Variants in TEC observed in about 807,000 individuals in gnomAD.
The protein encoded by TEC is tec protein tyrosine kinase.
TEC carries 72 observed loss-of-function variants against 93.0 expected under a neutral mutation model. The observed-to-expected ratio is 0.77, with a 90% CI of 0.64 to 0.94. The LOEUF is 0.94. Among genes scored for constraint, TEC ranks in the 40% least tolerant of loss-of-function variants. TEC has a pLI of 0.00. For synonymous variants in TEC, 249 were observed against 247.7 expected, an observed-to-expected ratio of 1.01 and a Z score of -0.05; for missense variants, 630 against 757.9, an observed-to-expected ratio of 0.83 and a Z score of 1.98.
At chr4:48,170,661 G>A (rs983789905) in intron 4 of TEC, among the ~76,000 whole-genome samples, 7 of 152,220 alleles carry the variant, frequency 4.6e-5, no homozygotes, top group Non-Finnish European at 1.0e-4. Context: ...GAGAAGCAAT[G>A]AGGACTATGC....
At chr4:48,179,364 ATATATATATATATTTTTT>A (rs1721481003) in intron 2 of TEC, among the ~76,000 whole-genome samples, 1 of 36,872 alleles carries the variant, frequency 2.7e-5, no homozygotes, top group African/African-American at 9.8e-5. Context: ...ATATATATAT[ATATATATATATATTTTTT>A]TTTTTTTTTT....
chr4:48,149,560 C>T lies in TEC; in HGVS notation c.1003G>A (p.Ala335Thr). ...TAGGTTTTCACAGCTCACTTACCTG[C>T]TGCATTGTGCTTATGATATTCAATA... Reference protein sequence around the residue: ...EIIEYHKHNAAGLVTRLRYPV... With the variant: ...EIIEYHKHNATGLVTRLRYPV... Residue 335 changes from alanine (A) to threonine (T), a missense_variant, in exon 11 of 18, where the codon GCA (alanine) becomes ACA (threonine). Transcript: ENST00000381501. 2 of 1,599,510 alleles carry T rather than the reference C, an allele frequency of 1.3e-6. No homozygotes were observed. The highest frequency in any genetic ancestry group is 1.7e-6 in the Non-Finnish European group (2 of 1,174,970).
chr4:48,197,873 C>G (rs1160943143), intron 2 of TEC, among the ~76,000 whole-genome samples: 2 of 152,200 alleles, frequency 1.3e-5, no homozygotes, highest in African/African-American at 4.8e-5. Flanking sequence ...TCTCTCCTAT[C>G]TAGCAGACAG....
chr4:48,173,458 G>GT (rs1299682046), intron 3 of TEC, among the ~76,000 whole-genome samples: 1 of 149,860 alleles, frequency 6.7e-6, no homozygotes, highest in African/African-American at 2.4e-5. Flanking sequence ...TTGTGGGCCA[G>GT]TATCTCCCTG....
intron 8 of TEC, among the ~76,000 whole-genome samples, chr4:48,162,495 C>T (rs16861074): frequency 0.023 from 3,478 of 152,308 alleles, 148 homozygotes; most frequent in African/African-American, 0.08. Context: ...CAGTTCTCCA[C>T]GCTATCGCTT....
rs1285655634 is a variant in TEC, at chr4:48,138,660, T to G, written c.1812+5A>C. 1 of 1,594,942 alleles carries G rather than the reference T, an allele frequency of 6.3e-7. No homozygotes were observed. On this transcript the variant is annotated splice_donor_5th_base_variant and intron_variant, in intron 17 of 17. Coordinates refer to ENST00000381501, the MANE Select transcript of TEC (RefSeq NM_003215.3). ...TCAAAAAGAAAGCACACAAAAAATC[T>G]ATACCTCCTGCCAACATCTCAGCAT...
At chr4:48,199,875 G>A (rs993305076) in intron 2 of TEC, among the ~76,000 whole-genome samples, 1 of 152,164 alleles carries the variant, frequency 6.6e-6, no homozygotes, top group Non-Finnish European at 1.5e-5. Context: ...TTTAGTGCAT[G>A]TTGTAGATGT....
At chr4:48,184,985 T>C (rs1721756403) in intron 2 of TEC, among the ~76,000 whole-genome samples, 1 of 151,994 alleles carries the variant, frequency 6.6e-6, no homozygotes, top group African/African-American at 2.4e-5. Flanking sequence ...TCATTAAATA[T>C]TGACTGCTGT....
Position 48,209,966 on chromosome 4 carries a change from T to C in TEC, c.138+18511A>G, listed in dbSNP as rs11930934. On this transcript the variant is annotated intron_variant, in intron 2 of 17. Transcript: ENST00000381501. ...AGATATTAGAACAAATGAAATGTTA[T>C]GTGCTCTACAGAGGCAGATCCAGAT... 2.6e-3 allele frequency among the ~76,000 whole-genome samples: 392 copies of C among 152,354 alleles called. 3 individuals carry two copies. Among genetic ancestry groups the C allele is most frequent in the Non-Finnish European group, 4.0e-3 (271 of 68,030 alleles).
chr4:48,208,581 C>A (rs1451503830), intron 2 of TEC, among the ~76,000 whole-genome samples: 1 of 151,782 alleles, frequency 6.6e-6, no homozygotes, highest in Non-Finnish European at 1.5e-5. Flanking sequence ...TTTCCCACCT[C>A]CCTGGGGTCC....
chr4:48,203,256 T>G (rs1257917392), intron 2 of TEC, among the ~76,000 whole-genome samples: 1 of 152,098 alleles, frequency 6.6e-6, no homozygotes, highest in African/African-American at 2.4e-5. Context: ...TCCCAGCTAC[T>G]GGGGAGGCTG....
At chr4:48,206,777 CAAA>C (rs34761710) in intron 2 of TEC, among the ~76,000 whole-genome samples, 6,742 of 89,224 alleles carry the variant, frequency 0.076, 122 homozygotes, top group African/African-American at 0.14. Context: ...CTCGTTGCTA[CAAA>C]AAAAAAAAAA....
intron 1 of TEC, among the ~76,000 whole-genome samples, chr4:48,231,611 G>T (rs1044566647): frequency 1.3e-5 from 2 of 152,112 alleles, no homozygotes; most frequent in Non-Finnish European, 2.9e-5. Context: ...CAAAAAATTA[G>T]CCAGGCGTGG....
intron 2 of TEC, among the ~76,000 whole-genome samples, chr4:48,189,603 G>A (rs1476010133): frequency 6.6e-6 from 1 of 152,192 alleles, no homozygotes; most frequent in African/African-American, 2.4e-5. Flanking sequence ...AATGGTGCAT[G>A]GGGAAATGTC....
At chr4:48,139,082 C>G in intron 15 of TEC, 60 bp from the exon 16 acceptor site, 1 of 1,430,756 alleles carries the variant, frequency 7.0e-7, no homozygotes, top group South Asian at 1.2e-5. Context: ...TTTCTACTTG[C>G]TCTTTCATTT....
intron 2 of TEC, among the ~76,000 whole-genome samples, chr4:48,179,322 T>G (rs1721460433): frequency 7.6e-6 from 1 of 132,218 alleles, no homozygotes; most frequent in African/African-American, 2.9e-5. Context: ...GCAACTATCA[T>G]GTAATGACGT....
intron 1 of TEC, among the ~76,000 whole-genome samples, chr4:48,231,987 G>T (rs1553894434): frequency 6.6e-6 from 1 of 151,708 alleles, no homozygotes; most frequent in Non-Finnish European, 1.5e-5. Flanking sequence ...ATGTCCTGGG[G>T]AAAAAAAATC....
intron 7 of TEC, among the ~76,000 whole-genome samples, chr4:48,167,538 T>C (rs768811214): frequency 1.6e-4 from 25 of 152,152 alleles, no homozygotes; most frequent in Non-Finnish European, 3.2e-4. Context: ...ACATTAAACA[T>C]GTATCAGATG....
In TEC at chr4:48,182,453, A is replaced by C. The variant is rs139799752; in HGVS notation, c.139-6267T>G. Among the ~76,000 whole-genome samples the C allele has an allele frequency of 8.9e-4, 135 of 152,088 alleles. No homozygotes were observed. In the South Asian group the frequency reaches 0.011, roughly 12 times the overall value. ...CTTTGAATCCTCTATGAATCTGCCG[A>C]GCTAAGAAGACCACCTGACACTTAG... On this transcript the variant is annotated intron_variant, in intron 2 of 17. Transcript: ENST00000381501.
Sources: gnomAD v4.1 joint callset for allele counts (sites outside exome capture counted in the v4.1 genomes callset) on GRCh38, gnomAD v4.1.1 for gene constraint, MANE v1.5 for transcripts, NCBI Gene and HGNC (gene_info 2026-07-23, HGNC 2026-07-21) for gene names.